ZNF730: variants seen among roughly 807,000 people sequenced by gnomAD.
ZNF730 encodes the protein zinc finger protein 730, also known as putative zinc finger protein 730.
In ZNF730, 12 loss-of-function variants were observed where a neutral mutation model predicts 12.6. That is an observed-to-expected ratio of 0.95 (90% CI 0.61 to 1.54). The LOEUF is 1.54. Ranked by LOEUF, ZNF730 falls within the 40% of genes most tolerant of loss-of-function variation. ZNF730 has a pLI of 0.00. For synonymous variants in ZNF730, 194 were observed against 195.8 expected (o/e 0.99, Z 0.08); for missense variants, 643 against 583.5 (o/e 1.10, Z -1.05).
intron 1 of ZNF730, chr19:23,127,868 A>T: frequency 1.5e-6 from 1 of 659,306 alleles, no homozygotes; most frequent in South Asian, 1.7e-5. Flanking sequence ...ATAGAAGAGG[A>T]TGTGATATTA....
In ZNF730 at chr19:23,127,581, G is replaced by A; in HGVS notation, c.4-6499G>A. The A allele has an allele frequency of 2.2e-6, 2 of 928,834 alleles. 1 individual carries two copies. The highest frequency in any genetic ancestry group is 3.6e-6 in the Non-Finnish European group (2 of 559,738). 57.5% of individuals were successfully genotyped at this position (928,834 alleles called of 1,614,324 possible). A position where few individuals can be genotyped will look rare whatever the true frequency, so the allele number is the denominator to read the frequency against. On this transcript the variant is annotated intron_variant, in intron 1 of 3. Coordinates refer to ENST00000597761, the MANE Select transcript of ZNF730 (RefSeq NM_001277403.2). The stretch of plus-strand genomic sequence containing the variant: ...AAGGAATCATGAAGCCAGATAAATT[G>A]CTCATGTTGCTGAACAACAGAAAAC...
At chr19:23,079,307 G>C (rs1364331598) in intron 1 of ZNF730, among the ~76,000 whole-genome samples, 1 of 151,968 alleles carries the variant, frequency 6.6e-6, no homozygotes, top group Non-Finnish European at 1.5e-5. Context: ...ACAGGCATGC[G>C]CCACCACGCC....
intron 1 of ZNF730, among the ~76,000 whole-genome samples, chr19:23,102,143 C>T (rs1280458321): frequency 6.6e-6 from 1 of 152,188 alleles, no homozygotes; most frequent in Non-Finnish European, 1.5e-5. Flanking sequence ...ACTCTGTCCA[C>T]AGGAAACATT....
rs973191468 is a variant in ZNF730 at position 23,095,633 on chromosome 19, G to A, written c.-94+20246G>A. The A allele has an allele frequency of 3.3e-5, 13 of 389,862 alleles. No homozygotes were observed. In the South Asian group the frequency reaches 1.0e-3, roughly 30 times the overall value. 24.2% of individuals were successfully genotyped at this position (389,862 alleles called of 1,614,324 possible). A position where few individuals can be genotyped will look rare whatever the true frequency, so the allele number is the denominator to read the frequency against. On this transcript the variant is annotated intron_variant, in intron 1 of 2. Transcript: ENST00000593635. ...AGTTTTGGCACTGCCCTCAGAAGCC[G>A]TGGTGGTGTATTGCTGGGCCCAGAG...
intron 3 of ZNF730, among the ~76,000 whole-genome samples, chr19:23,140,675 C>T (rs1055901122): frequency 4.8e-5 from 7 of 145,862 alleles, no homozygotes; most frequent in South Asian, 2.2e-4. Context: ...TATTTAAGGC[C>T]GGGCGTGGTG....
chr19:23,086,383 A>G lies in ZNF730; in HGVS notation c.-94+10996A>G, dbSNP rs566710711. 2.0e-5 allele frequency among the ~76,000 whole-genome samples: 3 copies of G among 152,234 alleles called. No individual in the cohort carries two copies. In the South Asian group the frequency reaches 6.2e-4, roughly 32 times the overall value. ...TGTAATGAAGTCTTTGCCTGTGCCT[A>G]TGTCCTGAATCATGTTACCTAGGTT... On this transcript the variant is annotated intron_variant, in intron 1 of 2. Coordinates refer to the ZNF730 transcript ENST00000593635.
chr19:23,106,468 T>A (rs964420470), intron 1 of ZNF730, among the ~76,000 whole-genome samples: 2 of 152,094 alleles, frequency 1.3e-5, no homozygotes, highest in African/African-American at 4.8e-5. Flanking sequence ...CTTAACCTAA[T>A]AGAAATGTAT....
At chr19:23,114,985 G>A (rs1007974129), upstream of ZNF730, among the ~76,000 whole-genome samples, 5 of 151,798 alleles carry the variant, frequency 3.3e-5, no homozygotes, top group East Asian at 1.9e-4. Flanking sequence ...TTACTATGTC[G>A]CCCACGCTGT....
At chr19:23,092,370 G>A (rs1019226614) in intron 1 of ZNF730, among the ~76,000 whole-genome samples, 14 of 152,092 alleles carry the variant, frequency 9.2e-5, no homozygotes, top group East Asian at 3.9e-4. Context: ...CGAGGCAGGC[G>A]AATCACCTGA....
chr19:23,109,931 T>C (rs1970441824), intron 1 of ZNF730, among the ~76,000 whole-genome samples: 1 of 152,184 alleles, frequency 6.6e-6, no homozygotes, highest in African/African-American at 2.4e-5. Context: ...TATTGTAGGC[T>C]GAAGACATAA....
At chr19:23,080,994 C>T (rs775444584) in intron 1 of ZNF730, among the ~76,000 whole-genome samples, 9 of 150,692 alleles carry the variant, frequency 6.0e-5, no homozygotes, top group East Asian at 2.0e-4. Context: ...TACAGGTGCA[C>T]GCCACCACTC....
At chr19:23,102,706 G>A (rs911567463) in intron 1 of ZNF730, among the ~76,000 whole-genome samples, 2 of 151,956 alleles carry the variant, frequency 1.3e-5, no homozygotes, top group South Asian at 4.2e-4. Context: ...ATGTTGGCCA[G>A]GCTGGTCTCG....
chr19:23,113,428 C>CAT (rs1970479501), upstream of ZNF730, among the ~76,000 whole-genome samples: 1 of 152,114 alleles, frequency 6.6e-6, no homozygotes, highest in Non-Finnish European at 1.5e-5. Flanking sequence ...AACTCAAAGA[C>CAT]ATATGTAACT....
chr19:23,133,848 G>A (rs1970779528), intron 1 of ZNF730, among the ~76,000 whole-genome samples: 1 of 152,070 alleles, frequency 6.6e-6, no homozygotes, highest in Non-Finnish European at 1.5e-5. Context: ...TCATCATCTG[G>A]AAAAGTATCA....
intron 3 of ZNF730, among the ~76,000 whole-genome samples, chr19:23,144,662 C>G (rs1970976982): frequency 7.3e-6 from 1 of 137,768 alleles, no homozygotes; most frequent in South Asian, 2.3e-4. Context: ...ATTGCACCAC[C>G]GCACTCCAGC....
At chr19:23,127,571 CA>C in intron 1 of ZNF730, 1 of 921,258 alleles carries the variant, frequency 1.1e-6, no homozygotes, top group African/African-American at 1.6e-5. Flanking sequence ...ATCATGAAGC[CA>C]GATAAATTGC....
intron 1 of ZNF730, chr19:23,125,920 T>C (rs1970659065): frequency 6.6e-6 from 1 of 152,438 alleles, no homozygotes; most frequent in Non-Finnish European, 1.5e-5. Context: ...AGTTAAAAAC[T>C]CTCACTGTTA....
chr19:23,128,473 G>T (rs73031429), intron 1 of ZNF730: 15,373 of 320,542 alleles, frequency 0.048, 450 homozygotes, highest in Middle Eastern at 0.098. Context: ...AATGTCCCTT[G>T]CTCAAAAGAT....
At chr19:23,105,301 C>T (rs1970380833) in intron 1 of ZNF730, among the ~76,000 whole-genome samples, 1 of 151,742 alleles carries the variant, frequency 6.6e-6, no homozygotes, top group Non-Finnish European at 1.5e-5. Flanking sequence ...ATTTTTAGTA[C>T]AGACAGGATT....
Sources: gnomAD v4.1 joint callset for allele counts (sites outside exome capture counted in the v4.1 genomes callset) on GRCh38, gnomAD v4.1.1 for gene constraint, MANE v1.5 for transcripts, NCBI Gene and HGNC (gene_info 2026-07-23, HGNC 2026-07-21) for gene names.